USP34: variants seen among roughly 807,000 people sequenced by gnomAD.
USP34 encodes the protein ubiquitin specific peptidase 34, also known as ubiquitin carboxyl-terminal hydrolase 34.
In USP34, 70 loss-of-function variants were observed where a neutral mutation model predicts 460.3. The ratio of observed to expected loss-of-function variants is 0.15; its 90% CI spans 0.13 to 0.19. The LOEUF (loss-of-function observed/expected upper bound fraction) is 0.19, where lower values mean the gene tolerates loss of function less well. Among genes scored for constraint, USP34 ranks in the 10% least tolerant of loss-of-function variants. The pLI, the probability that USP34 is intolerant of heterozygous loss-of-function variation, is 1.00. For synonymous variants in USP34, 1,647 were observed against 1,405.3 expected (o/e 1.17, Z -3.85); for missense variants, 3,985 against 4,236.2 (o/e 0.94, Z 1.65).
intron 1 of USP34, among the ~76,000 whole-genome samples, chr2:61,434,504 C>T (rs1694760466): frequency 6.6e-6 from 1 of 152,168 alleles, no homozygotes; most frequent in South Asian, 2.1e-4. Flanking sequence ...CAAGCCAGAC[C>T]CCAAGTTGGC....
chr2:61,339,373 G>C lies in USP34; in HGVS notation c.2722C>G (p.Leu908Val). The stretch of plus-strand genomic sequence containing the variant: ...TACCTGTTGTTTCCCAAGTTTTCAA[G>C]GCAACCTTCAATGAATCTCATTCGA... ...QIRMRFIEGC[L>V]ENLGNNRSVV... The change falls in exon 18 of 80, where the codon CTT becomes GTT. Residue 908 changes from leucine to valine, a missense_variant. Around this residue, in one of 14 missense-constraint regions of USP34, gnomAD observed 46 missense variants for 83.1 expected, o/e 0.55. Transcript: ENST00000398571. 1 of 1,607,992 alleles carries C rather than the reference G, an allele frequency of 6.2e-7. No individual in the cohort carries two copies.
intron 15 of USP34, 98 bp downstream of exon 15, chr2:61,347,772 G>A (rs1200792322): frequency 6.6e-7 from 1 of 1,515,494 alleles, no homozygotes; most frequent in African/African-American, 1.4e-5. Flanking sequence ...TACTACTAAT[G>A]AATAGCACTA....
intron 8 of USP34, among the ~76,000 whole-genome samples, chr2:61,375,215 C>T (rs1172448867): frequency 6.6e-6 from 1 of 152,110 alleles, no homozygotes; most frequent in Non-Finnish European, 1.5e-5. Context: ...TTTACACCCC[C>T]TAAATGGCAA....
In USP34 at chr2:61,188,356, C is replaced by T. The variant is rs760404288; in HGVS notation, c.10387G>A (p.Glu3463Lys). 5 of 1,613,606 alleles carry T rather than the reference C, an allele frequency of 3.1e-6. No homozygotes were observed. The highest frequency in any genetic ancestry group is 2.7e-5 in the African/African-American group (2 of 74,874). The stretch of plus-strand genomic sequence containing the variant: ...GTAGAAGGGAACTCAGATTCTTCCT[C>T]AGCTAGGGTAGAATCCTTGGAACAG... ...LHCSKDSTLA[E>K]EESEFPSTSI... The change falls in exon 80 of 80, where the codon GAG becomes AAG. Residue 3463 changes from glutamate to lysine, a missense_variant. Physicochemically the swap from Glu to Lys is moderately conservative, Grantham distance 56 (BLOSUM62 1). Transcript: ENST00000398571.
intron 8 of USP34, among the ~76,000 whole-genome samples, chr2:61,375,765 T>C (rs1471983889): frequency 7.9e-5 from 4 of 50,924 alleles, no homozygotes; most frequent in Non-Finnish European, 1.0e-4. Flanking sequence ...CAAGACTCTG[T>C]CTCAAAAAAA....
chr2:61,414,055 C>T (rs1207960095), intron 2 of USP34, among the ~76,000 whole-genome samples: 1 of 152,122 alleles, frequency 6.6e-6, no homozygotes, highest in Non-Finnish European at 1.5e-5. Flanking sequence ...CTCAGGAGCT[C>T]GAGACCAGCC....
chr2:61,389,625 C>G (rs1284925757), intron 5 of USP34, among the ~76,000 whole-genome samples: 1 of 152,104 alleles, frequency 6.6e-6, no homozygotes, highest in Admixed American at 6.6e-5. Context: ...AGGTACAATT[C>G]AAACCTAGGA....
chr2:61,298,572 A>AAAAAAAAAAAAC (rs1690115222), intron 29 of USP34, among the ~76,000 whole-genome samples: 4 of 130,154 alleles, frequency 3.1e-5, no homozygotes, highest in African/African-American at 5.7e-5. Flanking sequence ...AAAAAAAAAA[A>AAAAAAAAAAAAC]TCTGCTGAAA....
Position 61,223,175 on chromosome 2 carries a change from C to A in USP34, c.7645-11G>T. 6.2e-7 allele frequency: 1 copy of A among 1,613,212 alleles called. No individual in the cohort carries two copies. Among genetic ancestry groups the A allele is most frequent in the Non-Finnish European group, 8.5e-7 (1 of 1,179,498 alleles). On this transcript the variant is annotated splice_polypyrimidine_tract_variant and intron_variant, in intron 63 of 79. Transcript: ENST00000398571. Reference sequence around the variant, plus strand: ...CAAGAAGGGAAATCCCTGTCAAAAGCAAAAGTTGTTCATTTAAGAACCGTT... The same window carrying A: ...CAAGAAGGGAAATCCCTGTCAAAAGAAAAAGTTGTTCATTTAAGAACCGTT...
At chr2:61,259,840 G>C in intron 43 of USP34, 64 bp from the exon 44 acceptor site, 3 of 1,503,400 alleles carry the variant, frequency 2.0e-6, no homozygotes, top group Non-Finnish European at 2.7e-6. Flanking sequence ...AGGCATTCTA[G>C]CAAAGAAAGT....
chr2:61,267,647 T>C (rs1689091448), intron 41 of USP34, among the ~76,000 whole-genome samples: 1 of 152,002 alleles, frequency 6.6e-6, no homozygotes, highest in South Asian at 2.1e-4. Context: ...AGAGTCTTGC[T>C]CTGTCGCCCA....
chr2:61,383,126 A>G (rs1478586626), intron 6 of USP34, 143 bp downstream of exon 6: 1 of 474,762 alleles, frequency 2.1e-6, no homozygotes, highest in Non-Finnish European at 3.6e-6. Context: ...TGTGCATAAA[A>G]AACACTATAT....
At chr2:61,405,601 A>G (rs1693847846) in intron 3 of USP34, 107 bp downstream of exon 3, 3 of 1,066,262 alleles carry the variant, frequency 2.8e-6, no homozygotes, top group Non-Finnish European at 3.9e-6. Flanking sequence ...TGGTGACAAT[A>G]ATGATTTTCC....
At chr2:61,222,199 A>G (rs1470896665) in intron 65 of USP34, among the ~76,000 whole-genome samples, 2 of 152,210 alleles carry the variant, frequency 1.3e-5, no homozygotes, top group East Asian at 1.9e-4. Context: ...ATTTATAGTA[A>G]TGTTTGACAT....
At position 61,246,491 on chromosome 2, in the gene USP34, C is replaced by T; in HGVS notation, c.6395-14G>A. 1.3e-6 allele frequency: 2 copies of T among 1,493,600 alleles called. No individual in the cohort carries two copies. The highest frequency in any genetic ancestry group is 1.8e-6 in the Non-Finnish European group (2 of 1,114,938). The allele number at this position is 1,493,600 out of a possible 1,614,324, so 92.5% of individuals were successfully genotyped here. A position where few individuals can be genotyped will look rare whatever the true frequency, so the allele number is the denominator to read the frequency against. ...CTTCTTTAAAACCTGAAATGATTTA[C>T]ACAGAATGGAAATAATTTTCCAAAC... is the stretch of plus-strand genomic sequence containing the variant. On this transcript the variant is annotated splice_polypyrimidine_tract_variant and intron_variant, in intron 49 of 79. Transcript: ENST00000398571.
At chr2:61,267,723 C>T (rs1308388183) in intron 41 of USP34, among the ~76,000 whole-genome samples, 2 of 152,162 alleles carry the variant, frequency 1.3e-5, no homozygotes, top group Admixed American at 1.3e-4. Flanking sequence ...ATGCCATTCT[C>T]CTGCCTCAGA....
At position 61,300,946 on chromosome 2, in the gene USP34, G is replaced by C. The variant is rs749226787; in HGVS notation, c.4128+5C>G. ...ACAAGATTTGTGAAAATGAAACATA[G>C]TCACCTCACTATCATCCACTGCCAC... On this transcript the variant is annotated splice_donor_5th_base_variant and intron_variant, in intron 29 of 79. Transcript: ENST00000398571. 6.3e-7 allele frequency: 1 copy of C among 1,589,274 alleles called. No individual in the cohort carries two copies. The highest frequency in any genetic ancestry group is 1.8e-5 in the Admixed American group (1 of 56,024).
intron 10 of USP34, among the ~76,000 whole-genome samples, chr2:61,356,039 T>C (rs1280570203): frequency 2.0e-5 from 3 of 152,116 alleles, no homozygotes; most frequent in African/African-American, 7.2e-5. Context: ...AATCCAGCAA[T>C]CTGACTCCTA....
Position 61,295,193 on chromosome 2 carries a change from T to C in USP34, c.4352A>G (p.Asn1451Ser), listed in dbSNP as rs766263816. Residue 1451 changes from asparagine to serine, a missense_variant, in exon 31 of 80, where the codon AAT becomes AGT. Physicochemically the swap from Asn to Ser is conservative, Grantham distance 46. This residue lies in a region of USP34 where 1,114 missense variants were observed against 1,122.5 expected (regional missense o/e 0.99). Transcript: ENST00000398571. ...LEIIEALGKP[N>S]RRIRRESTGS... Reference sequence around the variant, plus strand: ...CGTAGACTCCCTCCTTATTCTTCTATTAGGTTTTCCCAGTGCTTCAATAAT... The same window carrying C: ...CGTAGACTCCCTCCTTATTCTTCTACTAGGTTTTCCCAGTGCTTCAATAAT... The C allele has an allele frequency of 1.9e-5, 30 of 1,611,340 alleles. No individual in the cohort carries two copies. Among genetic ancestry groups the C allele is most frequent in the Non-Finnish European group, 2.5e-5 (30 of 1,179,248 alleles).
Sources: allele counts gnomAD v4.1 joint callset (sites outside exome capture counted in the v4.1 genomes callset), GRCh38; gene constraint gnomAD v4.1.1; regional missense constraint gnomAD v4.1.1; transcripts MANE v1.5; gene names NCBI Gene and HGNC (gene_info 2026-07-23, HGNC 2026-07-21).